Variants in ZNF687 observed in about 807,000 individuals in gnomAD.
ZNF687 encodes zinc finger protein 687.
A neutral mutation model predicts 71.8 loss-of-function variants in ZNF687; 13 were observed. That is an observed-to-expected ratio of 0.18 (90% CI 0.12 to 0.29). The LOEUF (loss-of-function observed/expected upper bound fraction) is 0.29. Ranked by LOEUF, ZNF687 falls within the 10% of genes least tolerant of loss-of-function variation. The pLI, the probability that ZNF687 is intolerant of heterozygous loss-of-function variation, is 1.00. For missense variants in ZNF687, 1,412 were observed against 1,625.6 expected, an observed-to-expected ratio of 0.87 and a Z score of 2.26; for synonymous variants, 673 against 641.6, an observed-to-expected ratio of 1.05 and a Z score of -0.74.
chr1:151,285,417 A>G (rs1220499360), intron 1 of ZNF687: 1 of 139,768 alleles, frequency 7.2e-6, no homozygotes, highest in Non-Finnish European at 1.6e-5. Context: ...TGTTCCCTGT[A>G]TTTTTTTTTT....
chr1:151,290,169 C>T lies in ZNF687; in HGVS notation c.3012C>T (p.Ser1004=), dbSNP rs61743287. Residue 1004 remains serine (S), a synonymous_variant, in exon 7 of 9, where the codon TCC becomes TCT. Coordinates refer to ENST00000336715, the MANE Select transcript of ZNF687 (RefSeq NM_020832.3). Reference sequence around the variant, plus strand: ...GCCTGTGTGAGCGCTCCTTCTGCTCCGCCCCCAGCCTGAGGCGCCATGTCA... The same window carrying T: ...GCCTGTGTGAGCGCTCCTTCTGCTCTGCCCCCAGCCTGAGGCGCCATGTCA... ...PCRLCERSFC[S]APSLRRHVRV... 3.0e-3 allele frequency: 4,886 copies of T among 1,614,006 alleles called. 126 individuals are homozygous for T. In the African/African-American group the frequency reaches 0.055, roughly 18 times the overall value.
chr1:151,284,957 C>T (rs367991030), intron 1 of ZNF687, among the ~76,000 whole-genome samples: 5 of 151,690 alleles, frequency 3.3e-5, no homozygotes, highest in Non-Finnish European at 7.4e-5. Flanking sequence ...ACTACAGGCA[C>T]GTGCCATCAT....
chr1:151,289,170 T>C lies in ZNF687; in HGVS notation c.2370T>C (p.Val790=). The C allele has an allele frequency of 6.2e-7, 1 of 1,614,162 alleles. No individual in the cohort carries two copies. The highest frequency in any genetic ancestry group is 8.5e-7 in the Non-Finnish European group (1 of 1,180,022). ...KSHIQTSHCE[V]FHKCPICPMA... ...ACATCCAGACGTCGCACTGCGAGGT[T>C]TTCCACAAGTGCCCCATCTGCCCCA... is the stretch of plus-strand genomic sequence containing the variant. Residue 790 remains valine (V), a synonymous_variant, in exon 4 of 9, where the codon GTT becomes GTC. Coordinates refer to ENST00000336715, the MANE Select transcript of ZNF687 (RefSeq NM_020832.3).
In ZNF687 at chr1:151,287,808, A is replaced by G; in HGVS notation, c.1517A>G (p.Asn506Ser). The G allele has an allele frequency of 6.2e-7, 1 of 1,614,064 alleles. No individual in the cohort carries two copies. ...SLVEAFNKIL[N>S]SKNLLPAYRP... ...GTGGAGGCCTTCAACAAGATCCTCA[A>G]CAGCAAGAACCTGCTCCCTGCCTAT... The change falls in exon 2 of 9, where the codon AAC becomes AGC. Residue 506 changes from asparagine (N) to serine (S), a missense_variant. Asn to Ser is a conservative substitution (Grantham distance 46). Transcript: ENST00000336715. This position sits in a 1 kb window ranked among gnomAD's most constrained non-coding sequence, Gnocchi z 5.0.
At chr1:151,284,283 T>C in intron 1 of ZNF687, 5 of 985,066 alleles carry the variant, frequency 5.1e-6, no homozygotes, top group Non-Finnish European at 6.0e-6. Flanking sequence ...TCTTGGGAGT[T>C]TTAGCCTCGG....
intron 1 of ZNF687, 106 bp from the exon 2 acceptor site, chr1:151,286,169 G>C: frequency 2.1e-6 from 2 of 944,890 alleles, no homozygotes; most frequent in Non-Finnish European, 3.2e-6. Context: ...AAGTTGGAGT[G>C]TATGTGGGTT....
rs781716393 is a variant in ZNF687 at position 151,288,744 on chromosome 1, C to T, written c.2294+38C>T. ...CTTCCTCCATAGAACTGTAGGGTTT[C>T]GTGTGTCCTAGCCTCAGCCTCAGAT... On this transcript the variant is annotated intron_variant, in intron 3 of 8. Transcript: ENST00000336715. The T allele has an allele frequency of 3.8e-5, 60 of 1,579,980 alleles. No homozygotes were observed. In the Admixed American group the frequency reaches 5.4e-4, roughly 14 times the overall value.
Position 151,290,875 on chromosome 1 carries a change from G to A in ZNF687, c.3380G>A (p.Gly1127Glu), listed in dbSNP as rs772054711. ...TCCACAGAACAGAGCCTCATGATGG[G>A]GTTGAGGGTGGAGGATGGTGCCCAG... ...SSSTEQSLMMGLRVEDGAQQC... is the reference protein window; with the variant it reads ...SSSTEQSLMMELRVEDGAQQC... The change falls in exon 9 of 9, where the codon GGG becomes GAG. Residue 1127 changes from glycine (G) to glutamate (E), a missense_variant. Coordinates refer to ENST00000336715, the MANE Select transcript of ZNF687 (RefSeq NM_020832.3). The A allele has an allele frequency of 6.2e-7, 1 of 1,614,144 alleles. No homozygotes were observed. Among genetic ancestry groups the A allele is most frequent in the Non-Finnish European group, 8.5e-7 (1 of 1,180,030 alleles).
chr1:151,288,117 G>C lies in ZNF687; in HGVS notation c.1826G>C (p.Gly609Ala). The change falls in exon 2 of 9, where the codon GGG becomes GCG. Residue 609 changes from glycine to alanine, a missense_variant. By Grantham distance (60) the Gly-to-Ala change is moderately conservative. Coordinates refer to ENST00000336715, the MANE Select transcript of ZNF687 (RefSeq NM_020832.3). ...MRPVALDQMVGQPDITPLLPV... is the reference protein window; with the variant it reads ...MRPVALDQMVAQPDITPLLPV... The stretch of plus-strand genomic sequence containing the variant: ...CCTGTAGCCCTTGACCAGATGGTGG[G>C]GCAGCCGGACATCACACCGCTGCTG... The C allele has an allele frequency of 6.2e-7, 1 of 1,613,916 alleles. No individual in the cohort carries two copies. Among genetic ancestry groups the C allele is most frequent in the Non-Finnish European group, 8.5e-7 (1 of 1,180,026 alleles).
chr1:151,283,892 G>T, intron 1 of ZNF687: 1 of 985,346 alleles, frequency 1.0e-6, no homozygotes, highest in Non-Finnish European at 1.2e-6. Flanking sequence ...TGGGAGAGCT[G>T]GCTGGGAAAT....
chr1:151,287,558 G>A lies in ZNF687; in HGVS notation c.1267G>A (p.Ala423Thr), dbSNP rs779625308. The stretch of plus-strand genomic sequence containing the variant: ...GATGGCAGCCAGTGTGGCTCGCAAG[G>A]CTGTGGTGCTGCCTGGGGGGACTGC... The part of the protein sequence containing the change: ...MLMAASVARK[A>T]VVLPGGTATS... Residue 423 changes from alanine (A) to threonine (T), a missense_variant, in exon 2 of 9, where the codon GCT (alanine) becomes ACT (threonine). Physicochemically the swap from Ala to Thr is moderately conservative, Grantham distance 58. This residue lies in a region of ZNF687 where 133 missense variants were observed against 155.1 expected (regional missense o/e 0.86). Transcript: ENST00000336715. The surrounding 1 kb of genome is among the most constrained non-coding windows in gnomAD (Gnocchi z 5.0). The A allele has an allele frequency of 6.2e-7, 1 of 1,613,998 alleles. No individual in the cohort carries two copies. The highest frequency in any genetic ancestry group is 1.3e-5 in the African/African-American group (1 of 74,938).
rs776433574 is a variant in ZNF687 at position 151,290,983 on chromosome 1, G to T, written c.3488G>T (p.Gly1163Val). The T allele has an allele frequency of 6.2e-7, 1 of 1,613,906 alleles. No individual in the cohort carries two copies. The highest frequency in any genetic ancestry group is 1.3e-5 in the African/African-American group (1 of 74,938). ...HRFISHKKRR[G>V]VGKASALGLG... ...TTCATCAGCCACAAGAAGAGACGGG[G>T]TGTGGGTAAAGCCAGTGCCCTGGGG... Residue 1163 changes from glycine (G) to valine (V), a missense_variant, in exon 9 of 9, where the codon GGT becomes GTT. Around this residue, in one of 8 missense-constraint regions of ZNF687, gnomAD observed 284 missense variants for 359.2 expected, o/e 0.79. Coordinates refer to ENST00000336715, the MANE Select transcript of ZNF687 (RefSeq NM_020832.3).
Position 151,287,293 on chromosome 1 carries a change from C to G in ZNF687, c.1002C>G (p.Thr334=), listed in dbSNP as rs758725742. The G allele has an allele frequency of 2.0e-5, 32 of 1,614,062 alleles. No homozygotes were observed. The highest frequency in any genetic ancestry group is 2.7e-5 in the Non-Finnish European group (32 of 1,180,040). ...SSRPLKVRIK[T]IKTSCGNITR... ...GGCCTCTTAAGGTGCGGATCAAGACCATTAAAACATCCTGCGGGAATATCA... is the reference window on the plus strand; with the variant it reads ...GGCCTCTTAAGGTGCGGATCAAGACGATTAAAACATCCTGCGGGAATATCA... The change falls in exon 2 of 9, where the codon ACC becomes ACG. Residue 334 remains threonine (T), a synonymous_variant. Transcript: ENST00000336715. This position sits in a 1 kb window ranked among gnomAD's most constrained non-coding sequence, Gnocchi z 5.0.
Position 151,282,332 on chromosome 1 carries a change from T to A in ZNF687, c.-81T>A. ...GCGGCGGCCGCGGGGAGGGCGGCGG[T>A]GGCTGCAGCGGCTGGAGCGGGGTAG... On this transcript the variant is annotated 5_prime_UTR_variant, in exon 1 of 9. Transcript: ENST00000336715. The A allele has an allele frequency of 1.0e-6, 1 of 1,000,564 alleles. No homozygotes were observed. The highest frequency in any genetic ancestry group is 1.2e-6 in the Non-Finnish European group (1 of 837,192). The allele number at this position is 1,000,564 out of a possible 1,614,324, so 62.0% of individuals were successfully genotyped here. A position where few individuals can be genotyped will look rare whatever the true frequency, so the allele number is the denominator to read the frequency against.
chr1:151,284,333 T>C (rs1458229498), intron 1 of ZNF687: 1 of 924,286 alleles, frequency 1.1e-6, no homozygotes, highest in East Asian at 1.2e-4. Flanking sequence ...AAGGGCTGGC[T>C]AGGGGAGGGC....
Position 151,287,651 on chromosome 1 carries a change from G to C in ZNF687, c.1360G>C (p.Gly454Arg), listed in dbSNP as rs587759102. Reference sequence around the variant, plus strand: ...GCCCCAAGCCCTGCCTAAGGCTGACGGGCGGGCAGGGCTGGGGACTGGGGG... The same window carrying C: ...GCCCCAAGCCCTGCCTAAGGCTGACCGGCGGGCAGGGCTGGGGACTGGGGG... ...LVPQALPKAD[G>R]RAGLGTGGQK... Residue 454 changes from glycine (G) to arginine (R), a missense_variant, in exon 2 of 9, where the codon GGG (glycine) becomes CGG (arginine). Gly to Arg is a moderately radical substitution (Grantham distance 125). Coordinates refer to ENST00000336715, the MANE Select transcript of ZNF687 (RefSeq NM_020832.3). This position sits in a 1 kb window ranked among gnomAD's most constrained non-coding sequence, Gnocchi z 5.0. 1.9e-6 allele frequency: 3 copies of C among 1,613,186 alleles called. No individual in the cohort carries two copies. Among genetic ancestry groups the C allele is most frequent in the Non-Finnish European group, 2.5e-6 (3 of 1,179,694 alleles).
chr1:151,284,142 A>G (rs1344479733), intron 1 of ZNF687: 1 of 985,158 alleles, frequency 1.0e-6, no homozygotes, highest in Non-Finnish European at 1.2e-6. Flanking sequence ...CCACAGGAAA[A>G]TGGAAAGGGT....
chr1:151,281,587 C>T (rs376617144), upstream of ZNF687: 2 of 471,090 alleles, frequency 4.2e-6, no homozygotes, highest in Non-Finnish European at 4.4e-6. Context: ...CGTGCCCCGT[C>T]CACGCCCTCC....
At chr1:151,286,186 G>C in intron 1 of ZNF687, 89 bp from the exon 2 acceptor site, 1 of 1,134,936 alleles carries the variant, frequency 8.8e-7, no homozygotes, top group Non-Finnish European at 1.3e-6. Flanking sequence ...GGTTCTGAGA[G>C]AGGATAAATA....
Sources: gnomAD v4.1 joint callset for allele counts (sites outside exome capture counted in the v4.1 genomes callset) on GRCh38, gnomAD v4.1.1 for gene constraint, gnomAD v4.1.1 regional missense constraint, Gnocchi (gnomAD v3.1) non-coding constraint, MANE v1.5 for transcripts, NCBI Gene and HGNC (gene_info 2026-07-23, HGNC 2026-07-21) for gene names.